Variants in ESCO2 observed in about 807,000 individuals in gnomAD.
The protein encoded by ESCO2 is establishment of sister chromatid cohesion N-acetyltransferase 2.
Under a neutral mutation model 61.7 loss-of-function variants are expected in ESCO2, and 51 were observed. The ratio of observed to expected loss-of-function variants is 0.83; its 90% CI spans 0.66 to 1.04. The LOEUF is 1.04. Among genes scored for constraint, ESCO2 ranks in the 50% least tolerant of loss-of-function variants. The probability of loss-of-function intolerance (pLI) is 0.00; values close to 1 mark genes in which losing one functional copy is unlikely to be tolerated. For missense variants in ESCO2, 692 were observed against 686.2 expected (o/e 1.01, Z -0.09); for synonymous variants, 230 against 238.2 (o/e 0.97, Z 0.32).
chr8:27,773,535 ATTCT>A (rs943761204), upstream of ESCO2: 36 of 102,718 alleles, frequency 3.5e-4, no homozygotes, highest in African/African-American at 1.2e-3. Context: ...CAAACTCTAC[ATTCT>A]TTTTTTTTTT....
chr8:27,797,109 C>T (rs1327825305), intron 9 of ESCO2, among the ~76,000 whole-genome samples: 1 of 149,900 alleles, frequency 6.7e-6, no homozygotes, highest in Non-Finnish European at 1.5e-5. Context: ...GACCCTATCT[C>T]TTAAGAAAGA....
At chr8:27,790,053 G>T (rs1805142203) in intron 7 of ESCO2, among the ~76,000 whole-genome samples, 1 of 152,174 alleles carries the variant, frequency 6.6e-6, no homozygotes, top group Admixed American at 6.5e-5. Context: ...ACAGCTTTCT[G>T]TTGCACTAGG....
chr8:27,802,630 AATATATAT>A (rs1222665973), intron 10 of ESCO2, among the ~76,000 whole-genome samples: 716 of 45,680 alleles, frequency 0.016, 12 homozygotes, highest in South Asian at 0.038. Flanking sequence ...AAAAAAAAAA[AATATATAT>A]ATATATATAT....
downstream of ESCO2, among the ~76,000 whole-genome samples, chr8:27,808,002 G>A (rs1805596369): frequency 6.6e-6 from 1 of 152,154 alleles, no homozygotes; most frequent in African/African-American, 2.4e-5. Context: ...CCTAGTCTCT[G>A]GAACTATGAG....
At chr8:27,810,264 AAC>A (rs1321134336), downstream of ESCO2, 2 of 1,347,260 alleles carry the variant, frequency 1.5e-6, no homozygotes, top group Admixed American at 1.8e-5. Flanking sequence ...TTTTGGAATA[AAC>A]AGTTATTTAC....
intron 10 of ESCO2, 111 bp from the exon 11 acceptor site, chr8:27,803,195 C>A: frequency 1.1e-6 from 1 of 940,670 alleles, no homozygotes; most frequent in Non-Finnish European, 1.7e-6. Context: ...CATTTTTTCA[C>A]TTACTAAAAA....
At chr8:27,775,300 A>C (rs1295534403) in intron 1 of ESCO2, among the ~76,000 whole-genome samples, 199 bp from the exon 2 acceptor site, 1 of 152,196 alleles carries the variant, frequency 6.6e-6, no homozygotes, top group Non-Finnish European at 1.5e-5. Context: ...TAAATGGACT[A>C]TTAGGGAAAT....
In ESCO2 at chr8:27,787,983, C is replaced by T; in HGVS notation, c.1112C>T (p.Thr371Ile). Residue 371 changes from threonine to isoleucine, a missense_variant, in exon 6 of 11, where the codon ACA (threonine) becomes ATA (isoleucine). By Grantham distance (89) the Thr-to-Ile change is moderately conservative. Coordinates refer to ENST00000305188, the MANE Select transcript of ESCO2 (RefSeq NM_001017420.3). Reference protein sequence around the residue: ...NTNTRDTSKKTKDQLIIDAGQ... With the variant: ...NTNTRDTSKKIKDQLIIDAGQ... ...AATACCAGAGATACAAGTAAAAAAACAAAAGACCAGCTCATCATCGTGAGT... is the reference window on the plus strand; with the variant it reads ...AATACCAGAGATACAAGTAAAAAAATAAAAGACCAGCTCATCATCGTGAGT... The T allele has an allele frequency of 6.2e-7, 1 of 1,611,816 alleles. No homozygotes were observed. Among genetic ancestry groups the T allele is most frequent in the Non-Finnish European group, 8.5e-7 (1 of 1,178,234 alleles).
intron 10 of ESCO2, among the ~76,000 whole-genome samples, chr8:27,802,652 T>TAG (rs1805470927): frequency 1.4e-5 from 1 of 70,710 alleles, no homozygotes; most frequent in Non-Finnish European, 2.6e-5. Flanking sequence ...TATATATATA[T>TAG]ATATTATATA....
chr8:27,806,115 G>A (rs1025967777), downstream of ESCO2, among the ~76,000 whole-genome samples: 3 of 152,176 alleles, frequency 2.0e-5, no homozygotes, highest in African/African-American at 4.8e-5. Flanking sequence ...ATTTCTAGAA[G>A]TAAGGAATTC....
chr8:27,795,195 T>C (rs553668429), intron 9 of ESCO2, among the ~76,000 whole-genome samples: 7 of 152,342 alleles, frequency 4.6e-5, no homozygotes, highest in African/African-American at 1.7e-4. Context: ...TTCATCTTCT[T>C]TCATCAGTGT....
At chr8:27,802,642 T>A (rs1478035016) in intron 10 of ESCO2, among the ~76,000 whole-genome samples, 9 of 70,584 alleles carry the variant, frequency 1.3e-4, no homozygotes, top group African/African-American at 4.4e-4. Flanking sequence ...TATATATATA[T>A]ATATATATAT....
chr8:27,787,779 A>C (rs866100926), intron 5 of ESCO2, 106 bp from the exon 6 acceptor site: 1 of 813,018 alleles, frequency 1.2e-6, no homozygotes, highest in South Asian at 1.4e-5. Context: ...TTAATGTCAG[A>C]TAGAAAGCAC....
chr8:27,809,871 T>C (rs1805634250), downstream of ESCO2: 1 of 156,064 alleles, frequency 6.4e-6, no homozygotes, highest in South Asian at 2.0e-4. Flanking sequence ...CAGTTATCAT[T>C]TGATAAACAC....
chr8:27,812,906 G>A (rs933535488), downstream of ESCO2, among the ~76,000 whole-genome samples: 71 of 152,344 alleles, frequency 4.7e-4, no homozygotes, highest in African/African-American at 1.6e-3. Context: ...GTGGAAGACA[G>A]TGTGGCAATC....
At chr8:27,811,213 C>T (rs571787000), downstream of ESCO2, 19 of 1,211,372 alleles carry the variant, frequency 1.6e-5, no homozygotes, top group Admixed American at 3.5e-5. Flanking sequence ...AACAGGCGAA[C>T]GATTTGAACA....
At position 27,777,184 on chromosome 8, in the gene ESCO2, A is replaced by G; in HGVS notation, c.861+15A>G. 2 of 1,594,048 alleles carry G rather than the reference A, an allele frequency of 1.3e-6. No individual in the cohort carries two copies. The highest frequency in any genetic ancestry group is 1.7e-6 in the Non-Finnish European group (2 of 1,173,298). ...AATTAATAAAGGTAAAGCTAAATAT[A>G]TCACTTTAAAAATGGCTGTATAACA... On this transcript the variant is annotated intron_variant, in intron 3 of 10. Coordinates refer to ENST00000305188, the MANE Select transcript of ESCO2 (RefSeq NM_001017420.3).
chr8:27,780,176 TTCA>T lies in ESCO2; in HGVS notation c.868_870del (p.Ser290del). The T allele has an allele frequency of 6.3e-7, 1 of 1,593,784 alleles. No homozygotes were observed. Among genetic ancestry groups the T allele is most frequent in the Non-Finnish European group, 8.6e-7 (1 of 1,163,380 alleles). On this transcript the variant is annotated inframe_deletion, in exon 4 of 11. Transcript: ENST00000305188. ...TTTTTTTTTAAACCTATTTTCAGGA[TTCA>T]TCAGATGACAGAGTTTCTTCAAAGG...
chr8:27,791,886 C>CCA, intron 7 of ESCO2, 77 bp from the exon 8 acceptor site: 1 of 1,235,116 alleles, frequency 8.1e-7, no homozygotes, highest in Non-Finnish European at 1.2e-6. Context: ...TTTGTCTTCT[C>CCA]CACATCAAAT....
Sources: allele counts gnomAD v4.1 joint callset (sites outside exome capture counted in the v4.1 genomes callset), GRCh38; gene constraint gnomAD v4.1.1; transcripts MANE v1.5; gene names NCBI Gene and HGNC (gene_info 2026-07-23, HGNC 2026-07-21).